Variants in DHX58 observed in about 807,000 individuals in gnomAD.
DHX58 encodes the protein DExH-box helicase 58, also known as ATP-dependent RNA helicase DHX58.
DHX58 carries 51 observed loss-of-function variants against 65.0 expected under a neutral mutation model. The ratio of observed to expected loss-of-function variants is 0.78; its 90% CI spans 0.63 to 0.99. The LOEUF is 0.99. Ranked by LOEUF, DHX58 falls within the 50% of genes least tolerant of loss-of-function variation. The pLI, the probability that DHX58 is intolerant of heterozygous loss-of-function variation, is 0.00. For missense variants in DHX58, 773 were observed against 891.8 expected (o/e 0.87, Z 1.70); for synonymous variants, 350 against 365.0 (o/e 0.96, Z 0.47).
At chr17:42,110,459 A>G (rs1555663825) in intron 5 of DHX58, among the ~76,000 whole-genome samples, 2 of 152,238 alleles carry the variant, frequency 1.3e-5, no homozygotes, top group East Asian at 1.9e-4. Flanking sequence ...GTGTAACTGT[A>G]GGATGAGCTA....
rs575452607 is a variant in DHX58 at position 42,101,690 on chromosome 17, A to T, written c.*71T>A. ...GCCCACAGCTGATGATTCAGGAAGGAGGGGCCTGGAGTCTGCTGCAGACTC... is the reference window on the plus strand; with the variant it reads ...GCCCACAGCTGATGATTCAGGAAGGTGGGGCCTGGAGTCTGCTGCAGACTC... On this transcript the variant is annotated 3_prime_UTR_variant, in exon 14 of 14. Transcript: ENST00000251642. 1 of 1,549,234 alleles carries T rather than the reference A, an allele frequency of 6.5e-7. No individual in the cohort carries two copies. The highest frequency in any genetic ancestry group is 1.2e-5 in the South Asian group (1 of 82,728).
chr17:42,111,050 A>G, intron 4 of DHX58, 137 bp from the exon 5 acceptor site: 1 of 1,111,744 alleles, frequency 9.0e-7, no homozygotes, highest in South Asian at 1.6e-5. Flanking sequence ...ATGAGGAGCC[A>G]GGCAGGGAAG....
chr17:42,112,604 C>T lies in DHX58; in HGVS notation c.-95+1G>A, dbSNP rs1486357065. The T allele has an allele frequency of 6.6e-6, 1 of 152,148 alleles. No homozygotes were observed. The highest frequency in any genetic ancestry group is 2.4e-5 in the African/African-American group (1 of 41,258). 9.4% of individuals were successfully genotyped at this position (152,148 alleles called of 1,614,324 possible). A position where few individuals can be genotyped will look rare whatever the true frequency, so the allele number is the denominator to read the frequency against. ...GGGGGTGGGAGTAACACAGGCTACA[C>T]CTGCGCCTTGCCCAGCCTGGGTCTC... On this transcript the variant is annotated splice_donor_variant, in intron 1 of 13. Transcript: ENST00000251642. LOFTEE classifies it low-confidence loss of function (5UTR_SPLICE).
intron 12 of DHX58, 128 bp downstream of exon 12, chr17:42,103,479 TA>T: frequency 8.3e-7 from 1 of 1,210,226 alleles, no homozygotes; most frequent in Non-Finnish European, 1.2e-6. Flanking sequence ...AAAACCTGTC[TA>T]ACCAGATTAT....
chr17:42,110,929 G>A lies in DHX58; in HGVS notation c.371-16C>T. ...AGGGAGAAGACTGAGGGCACAGGGG[G>A]GAAGGCTGTGACCTATGTTTGCAAA... is the stretch of plus-strand genomic sequence containing the variant. On this transcript the variant is annotated splice_polypyrimidine_tract_variant and intron_variant, in intron 4 of 13. Transcript: ENST00000251642. 2 of 1,584,266 alleles carry A rather than the reference G, an allele frequency of 1.3e-6. No homozygotes were observed. Among genetic ancestry groups the A allele is most frequent in the Admixed American group, 3.5e-5 (2 of 56,434 alleles).
chr17:42,101,781 A>T lies in DHX58; in HGVS notation c.2017T>A (p.Ser673Thr), dbSNP rs782295988. The change falls in exon 14 of 14, where the codon TCG (serine) becomes ACG (threonine). Residue 673 changes from serine to threonine, a missense_variant. By Grantham distance (58) the Ser-to-Thr change is moderately conservative (BLOSUM62 1). Coordinates refer to ENST00000251642, the MANE Select transcript of DHX58 (RefSeq NM_024119.3). The stretch of plus-strand genomic sequence containing the variant: ...GGTGGTCAGTCCAGGGAGAGGTCCG[A>T]CAAGTTCTCGGCACAATGCTGCAGG... ...DFLQHCAENLSDLSLD is the reference protein window; with the variant it reads ...DFLQHCAENLTDLSLD The T allele has an allele frequency of 1.2e-6, 2 of 1,614,214 alleles. No homozygotes were observed. Among genetic ancestry groups the T allele is most frequent in the Non-Finnish European group, 1.7e-6 (2 of 1,180,036 alleles).
intron 8 of DHX58, among the ~76,000 whole-genome samples, 171 bp from the exon 9 acceptor site, chr17:42,106,160 G>GAA (rs370558434): frequency 1.5e-5 from 2 of 133,936 alleles, no homozygotes; most frequent in Non-Finnish European, 1.6e-5. Context: ...CTCTGTCTGG[G>GAA]AAAAAAAAAA....
chr17:42,111,131 G>A (rs1477415656), intron 4 of DHX58, among the ~76,000 whole-genome samples, 165 bp downstream of exon 4: 5 of 152,182 alleles, frequency 3.3e-5, no homozygotes, highest in African/African-American at 1.2e-4. Context: ...GATCCTACAC[G>A]ATAGCCCGGC....
At chr17:42,107,331 C>T (rs1555662900) in intron 8 of DHX58, among the ~76,000 whole-genome samples, 1 of 150,278 alleles carries the variant, frequency 6.7e-6, no homozygotes, top group Non-Finnish European at 1.5e-5. Context: ...GCACAACTGT[C>T]CTCCAGCCTG....
intron 6 of DHX58, among the ~76,000 whole-genome samples, chr17:42,108,740 C>T (rs182959041): frequency 2.0e-5 from 3 of 150,800 alleles, no homozygotes; most frequent in Non-Finnish European, 4.4e-5. Flanking sequence ...AGGGCCGGAG[C>T]AGACAGCCCA....
chr17:42,102,387 A>T, intron 12 of DHX58, 75 bp from the exon 13 acceptor site: 1 of 1,343,478 alleles, frequency 7.4e-7, no homozygotes, highest in Non-Finnish European at 1.1e-6. Flanking sequence ...CCTGCCGGCC[A>T]AGTCTCTGCC....
chr17:42,103,246 G>A (rs561333203), intron 12 of DHX58: 2 of 262,134 alleles, frequency 7.6e-6, no homozygotes, highest in African/African-American at 4.6e-5. Flanking sequence ...GATGGGGGAA[G>A]GTTACTCTCT....
intron 5 of DHX58, among the ~76,000 whole-genome samples, chr17:42,110,455 C>G (rs747484750): frequency 2.6e-5 from 4 of 152,186 alleles, no homozygotes; most frequent in African/African-American, 4.8e-5. Flanking sequence ...GCCAGTGTAA[C>G]TGTAGGATGA....
At chr17:42,111,609 A>G (rs2054156676) in intron 3 of DHX58, 112 bp from the exon 4 acceptor site, 1 of 1,570,366 alleles carries the variant, frequency 6.4e-7, no homozygotes, top group African/African-American at 1.3e-5. Flanking sequence ...GTGGAAAGAC[A>G]GGTGAGCTTA....
chr17:42,108,139 C>T (rs2054094089), intron 6 of DHX58, 31 bp from the exon 7 acceptor site: 1 of 1,613,978 alleles, frequency 6.2e-7, no homozygotes, highest in African/African-American at 1.3e-5. Flanking sequence ...AGGGGATTCC[C>T]ATACACGTTG....
intron 9 of DHX58, 91 bp downstream of exon 9, chr17:42,105,645 C>T: frequency 2.0e-6 from 3 of 1,482,778 alleles, no homozygotes; most frequent in Non-Finnish European, 2.7e-6. Context: ...GGTCTCCCTG[C>T]CCCCACCTCT....
chr17:42,102,658 A>C, intron 12 of DHX58: 1 of 190,640 alleles, frequency 5.2e-6, no homozygotes, highest in South Asian at 1.2e-4. Context: ...TGTTCCTTAA[A>C]ATCTATCCAA....
chr17:42,110,653 A>G, intron 5 of DHX58, 70 bp downstream of exon 5: 3 of 1,492,148 alleles, frequency 2.0e-6, no homozygotes, highest in Non-Finnish European at 2.7e-6. Flanking sequence ...GGGTAGTGGC[A>G]GGGCAGGCAG....
intron 8 of DHX58, among the ~76,000 whole-genome samples, chr17:42,106,390 C>T (rs1381601685): frequency 7.2e-5 from 9 of 125,858 alleles, no homozygotes; most frequent in Non-Finnish European, 1.2e-4. Flanking sequence ...AGGGCACTGG[C>T]GGAGGAGGTT....
Sources: gnomAD v4.1 joint callset for allele counts (sites outside exome capture counted in the v4.1 genomes callset) on GRCh38, gnomAD v4.1.1 for gene constraint, MANE v1.5 for transcripts, NCBI Gene and HGNC (gene_info 2026-07-23, HGNC 2026-07-21) for gene names.